Variants in CSMD2 observed in about 807,000 individuals in gnomAD.
The protein encoded by CSMD2 is CUB and sushi domain-containing protein 2.
In CSMD2, 130 loss-of-function variants were observed where a neutral mutation model predicts 398.5. The ratio of observed to expected loss-of-function variants is 0.33; its 90% CI spans 0.28 to 0.38. The LOEUF is 0.38. Ranked by LOEUF, CSMD2 falls within the 10% of genes least tolerant of loss-of-function variation. The probability of loss-of-function intolerance (pLI) is 1.00; values close to 1 mark genes in which losing one functional copy is unlikely to be tolerated. For synonymous variants in CSMD2, 1,828 were observed against 1,908.5 expected (o/e 0.96, Z 1.10); for missense variants, 3,829 against 4,764.9 (o/e 0.80, Z 5.78).
chr1:33,592,906 G>A (rs1216809033), intron 44 of CSMD2, among the ~76,000 whole-genome samples: 2 of 150,042 alleles, frequency 1.3e-5, no homozygotes, highest in South Asian at 2.1e-4. Context: ...CCAAGATCAC[G>A]CCACTGCACT....
chr1:33,558,651 C>T (rs1473106425), intron 54 of CSMD2, among the ~76,000 whole-genome samples: 3 of 152,144 alleles, frequency 2.0e-5, no homozygotes, highest in Non-Finnish European at 4.4e-5. Flanking sequence ...CTCTCTGAGG[C>T]TTCACTGCTG....
chr1:34,149,516 A>G (rs1640093725), intron 1 of CSMD2, among the ~76,000 whole-genome samples: 2 of 152,206 alleles, frequency 1.3e-5, no homozygotes, highest in East Asian at 3.9e-4. Context: ...TACACGGAAG[A>G]AGTTGAGGAT....
intron 25 of CSMD2, among the ~76,000 whole-genome samples, chr1:33,678,245 T>C (rs1644785427): frequency 6.6e-6 from 1 of 150,434 alleles, no homozygotes; most frequent in African/African-American, 2.4e-5. Flanking sequence ...CAAAAGGAGA[T>C]GCTGGCACCA....
At chr1:33,967,371 T>TAG (rs1645596469) in intron 3 of CSMD2, among the ~76,000 whole-genome samples, 1 of 151,970 alleles carries the variant, frequency 6.6e-6, no homozygotes, top group Non-Finnish European at 1.5e-5. Context: ...CACACACAGG[T>TAG]AGACATCCAC....
At chr1:33,745,562 C>T (rs149637204) in intron 13 of CSMD2, among the ~76,000 whole-genome samples, 3 of 152,274 alleles carry the variant, frequency 2.0e-5, no homozygotes, top group Admixed American at 1.3e-4. Flanking sequence ...AAATTGGTGA[C>T]TCCTTGTGAT....
At chr1:33,899,432 G>C (rs930011775) in intron 5 of CSMD2, among the ~76,000 whole-genome samples, 3 of 152,174 alleles carry the variant, frequency 2.0e-5, no homozygotes, top group South Asian at 4.1e-4. Context: ...CTGGCTTCAG[G>C]CTGCAACTTC....
Position 33,851,003 on chromosome 1 carries a change from C to G in CSMD2, c.921-4007G>C, listed in dbSNP as rs116612487. Among the ~76,000 whole-genome samples the G allele has an allele frequency of 6.6e-3, 1,005 of 152,208 alleles. 5 individuals are homozygous for G. The highest frequency in any genetic ancestry group is 0.023 in the African/African-American group (940 of 41,528). On this transcript the variant is annotated intron_variant, in intron 5 of 70. Coordinates refer to ENST00000373381, the MANE Select transcript of CSMD2 (RefSeq NM_001281956.2). ...CGGGATGTTGGGGAGCTGAGAGATA[C>G]CCCCATCAAGATGACAACAGTGACT...
chr1:33,801,925 T>C (rs1655656065), intron 10 of CSMD2, among the ~76,000 whole-genome samples: 2 of 152,148 alleles, frequency 1.3e-5, no homozygotes, highest in African/African-American at 4.8e-5. Flanking sequence ...GAAGAAGGAA[T>C]TGCATTGTTG....
chr1:34,047,722 T>C (rs531581092), intron 2 of CSMD2, among the ~76,000 whole-genome samples: 1 of 152,300 alleles, frequency 6.6e-6, no homozygotes, highest in Non-Finnish European at 1.5e-5. Flanking sequence ...CAGCCTGAGC[T>C]GATCTAAAAA....
At chr1:34,052,495 CTGTGTGTGTGTGTG>C (rs143571706) in intron 2 of CSMD2, among the ~76,000 whole-genome samples, 19 of 134,094 alleles carry the variant, frequency 1.4e-4, no homozygotes, top group Non-Finnish European at 2.3e-4. Context: ...TATGGGACAA[CTGTGTGTGTGTGTG>C]TGTGTGTGTG....
chr1:33,583,748 G>A lies in CSMD2; in HGVS notation c.7134C>T (p.Phe2378=). 6.2e-7 allele frequency: 1 copy of A among 1,614,216 alleles called. No homozygotes were observed. Among genetic ancestry groups the A allele is most frequent in the Non-Finnish European group, 8.5e-7 (1 of 1,180,042 alleles). Residue 2378 remains phenylalanine, a synonymous_variant, in exon 47 of 71, where the codon TTC becomes TTT. Transcript: ENST00000373381. ...SQSYPGSYPQ[F]QTCSWLVRVE... is the part of the protein sequence containing the mutation. ...CTCTCACCAGCCAAGAGCAGGTCTG[G>A]AACTGGGGATAGCTTCCAGGGTAGC...
intron 55 of CSMD2, among the ~76,000 whole-genome samples, chr1:33,554,901 G>A (rs150660381): frequency 2.2e-4 from 34 of 152,208 alleles, no homozygotes; most frequent in African/African-American, 7.5e-4. Flanking sequence ...GGAATTGAAT[G>A]TTGTTTCCAT....
At position 33,746,824 on chromosome 1, in the gene CSMD2, G is replaced by T. The variant is rs1167504590; in HGVS notation, c.1847-3218C>A. Among the ~76,000 whole-genome samples, 3 of 152,210 alleles carry T rather than the reference G, an allele frequency of 2.0e-5. No individual in the cohort carries two copies. The East Asian group carries it at 5.8e-4, about 29-fold the overall frequency. ...TTCTGAAAGAAGGTGACATGAACATGTGGGTCTCATAACCCCATCCCACTC... is the reference window on the plus strand; with the variant it reads ...TTCTGAAAGAAGGTGACATGAACATTTGGGTCTCATAACCCCATCCCACTC... On this transcript the variant is annotated intron_variant, in intron 13 of 70. Transcript: ENST00000373381.
chr1:33,960,578 C>A (rs749877277), intron 3 of CSMD2, among the ~76,000 whole-genome samples: 1 of 152,184 alleles, frequency 6.6e-6, no homozygotes, highest in African/African-American at 2.4e-5. Context: ...AGATGTGCAG[C>A]CAAACAATTA....
At chr1:33,689,890 G>A (rs895469047) in intron 25 of CSMD2, among the ~76,000 whole-genome samples, 2 of 152,124 alleles carry the variant, frequency 1.3e-5, no homozygotes, top group Admixed American at 1.3e-4. Flanking sequence ...GGGTGTAGGC[G>A]GTAGGTACGC....
chr1:34,057,032 A>G (rs1172236215), intron 2 of CSMD2, among the ~76,000 whole-genome samples: 1 of 152,208 alleles, frequency 6.6e-6, no homozygotes, highest in African/African-American at 2.4e-5. Flanking sequence ...TCCTGGGGTC[A>G]TTAGCTCCAA....
intron 2 of CSMD2, among the ~76,000 whole-genome samples, chr1:34,052,721 A>C (rs1272863843): frequency 6.6e-6 from 1 of 152,184 alleles, no homozygotes; most frequent in Non-Finnish European, 1.5e-5. Flanking sequence ...TTACTCTAGT[A>C]TGCTCAGTCC....
At chr1:33,577,958 C>T (rs55873401) in intron 48 of CSMD2, among the ~76,000 whole-genome samples, 18,556 of 152,156 alleles carry the variant, frequency 0.12, 1,410 homozygotes, top group East Asian at 0.23. Context: ...CCAATTTCCT[C>T]GCCTGTAAAT....
At chr1:33,680,884 T>C (rs1222407248) in intron 25 of CSMD2, among the ~76,000 whole-genome samples, 1 of 148,418 alleles carries the variant, frequency 6.7e-6, no homozygotes, top group African/African-American at 2.5e-5. Flanking sequence ...TGTTGACTAA[T>C]AATACAAGCT....
Sources: gnomAD v4.1 joint callset for allele counts (sites outside exome capture counted in the v4.1 genomes callset) on GRCh38, gnomAD v4.1.1 for gene constraint, MANE v1.5 for transcripts, NCBI Gene and HGNC (gene_info 2026-07-23, HGNC 2026-07-21) for gene names.